Variants in HOMER1 observed in about 807,000 individuals in gnomAD.
HOMER1 encodes homer protein homolog 1.
HOMER1 carries 3 observed loss-of-function variants against 48.9 expected under a neutral mutation model. The ratio of observed to expected loss-of-function variants is 0.06; its 90% confidence interval spans 0.03 to 0.16. The LOEUF is 0.16. Ranked by LOEUF, HOMER1 falls within the 10% of genes least tolerant of loss-of-function variation. HOMER1 has a pLI of 1.00. For synonymous variants in HOMER1, 134 were observed against 146.4 expected (o/e 0.92, Z 0.61); for missense variants, 247 against 411.4 (o/e 0.60, Z 3.46).
chr5:79,485,961 G>T (rs1434815483), intron 1 of HOMER1, among the ~76,000 whole-genome samples: 1 of 152,146 alleles, frequency 6.6e-6, no homozygotes, highest in Non-Finnish European at 1.5e-5. Context: ...TGAGGCAAAA[G>T]TAACACTGTG....
chr5:79,430,210 G>A (rs912901628), intron 5 of HOMER1, among the ~76,000 whole-genome samples: 1 of 152,078 alleles, frequency 6.6e-6, no homozygotes, highest in South Asian at 2.1e-4. Context: ...AATGAGCAAA[G>A]GATCTGAACA....
At chr5:79,381,849 C>A (rs143591629) in intron 8 of HOMER1, among the ~76,000 whole-genome samples, 3 of 151,156 alleles carry the variant, frequency 2.0e-5, no homozygotes, top group East Asian at 3.9e-4. Context: ...CATGCCACTG[C>A]GCTCCAGCCT....
intron 1 of HOMER1, among the ~76,000 whole-genome samples, chr5:79,492,812 A>G (rs115206188): frequency 0.012 from 1,760 of 152,028 alleles, 25 homozygotes; most frequent in African/African-American, 0.04. Flanking sequence ...AAAAAGTGAT[A>G]CGTATATTAA....
chr5:79,451,645 A>G (rs973820238), intron 2 of HOMER1, among the ~76,000 whole-genome samples: 2 of 140,242 alleles, frequency 1.4e-5, no homozygotes, highest in African/African-American at 5.4e-5. Context: ...GGCTAACTGC[A>G]AGCTCCAACT....
In HOMER1 at chr5:79,435,547, T is replaced by C. The variant is rs192556309; in HGVS notation, c.527+3463A>G. Among the ~76,000 whole-genome samples the C allele has an allele frequency of 1.2e-3, 187 of 152,340 alleles. 1 individual carries two copies. Among genetic ancestry groups the C allele is most frequent in the Admixed American group, 3.0e-3 (46 of 15,304 alleles). On this transcript the variant is annotated intron_variant, in intron 5 of 8. Transcript: ENST00000334082. ...CACATATTGGAGAAGGAAGGCAATA[T>C]AGTCTAAATAAGCATTAAAAACTTA... is the stretch of plus-strand genomic sequence containing the variant.
chr5:79,396,504 C>T (rs1417147290), intron 8 of HOMER1, among the ~76,000 whole-genome samples: 1 of 151,946 alleles, frequency 6.6e-6, no homozygotes, highest in East Asian at 1.9e-4. Flanking sequence ...TCCTCAGCAT[C>T]CCAAAGTGCT....
intron 8 of HOMER1, among the ~76,000 whole-genome samples, chr5:79,378,377 G>C (rs1748834763): frequency 6.6e-6 from 1 of 152,114 alleles, no homozygotes; most frequent in Non-Finnish European, 1.5e-5. Flanking sequence ...CAGCTATAAT[G>C]ATTTTTAAAG....
intron 1 of HOMER1, among the ~76,000 whole-genome samples, chr5:79,457,700 T>G (rs189859594): frequency 6.6e-6 from 1 of 152,214 alleles, no homozygotes; most frequent in Admixed American, 6.5e-5. Flanking sequence ...AACATAGTTA[T>G]GTATTGATTA....
chr5:79,470,599 A>T (rs1751589644), intron 1 of HOMER1, among the ~76,000 whole-genome samples: 1 of 152,206 alleles, frequency 6.6e-6, no homozygotes, highest in African/African-American at 2.4e-5. Flanking sequence ...CCTAGTGGAC[A>T]TCAAAGAACT....
intron 8 of HOMER1, among the ~76,000 whole-genome samples, chr5:79,377,090 C>T (rs758904368): frequency 2.8e-4 from 43 of 152,214 alleles, no homozygotes; most frequent in Non-Finnish European, 4.9e-4. Flanking sequence ...CTCAGCCTCC[C>T]AAGTAGCTGG....
chr5:79,495,151 C>A (rs924965723), intron 1 of HOMER1, among the ~76,000 whole-genome samples: 7 of 152,106 alleles, frequency 4.6e-5, no homozygotes, highest in Non-Finnish European at 1.0e-4. Flanking sequence ...GATATGGGTA[C>A]TGCATCAAAA....
At chr5:79,394,819 C>T (rs1749339681) in intron 8 of HOMER1, among the ~76,000 whole-genome samples, 2 of 152,202 alleles carry the variant, frequency 1.3e-5, no homozygotes, top group South Asian at 4.1e-4. Context: ...ATCTTCCTGC[C>T]TCAACCTCCC....
chr5:79,416,521 C>T (rs1162403933), intron 5 of HOMER1, among the ~76,000 whole-genome samples: 1 of 152,176 alleles, frequency 6.6e-6, no homozygotes, highest in East Asian at 1.9e-4. Flanking sequence ...TAAGAGGGCC[C>T]GAGAAATGTC....
intron 5 of HOMER1, among the ~76,000 whole-genome samples, chr5:79,406,694 A>T (rs1198405051): frequency 6.6e-6 from 1 of 152,226 alleles, no homozygotes; most frequent in Non-Finnish European, 1.5e-5. Context: ...TCAGGTGAAG[A>T]CCTGTTATGG....
intron 8 of HOMER1, among the ~76,000 whole-genome samples, chr5:79,392,957 G>GAGAGAGAGAA (rs1749291347): frequency 6.9e-5 from 1 of 14,442 alleles, no homozygotes; most frequent in South Asian, 1.5e-3. Context: ...GGGAAAGGGA[G>GAGAGAGAGAA]AGAGAGAGAG....
At chr5:79,376,280 C>T (rs1053834253) in intron 8 of HOMER1, 83 bp from the exon 9 acceptor site, 42 of 984,174 alleles carry the variant, frequency 4.3e-5, no homozygotes, top group South Asian at 1.7e-4. Context: ...ACCAATATTG[C>T]GGTAATCAAT....
At chr5:79,451,985 C>T (rs1477056739) in intron 2 of HOMER1, among the ~76,000 whole-genome samples, 1 of 152,092 alleles carries the variant, frequency 6.6e-6, no homozygotes, top group African/African-American at 2.4e-5. Context: ...AAAAAACAAA[C>T]CTCTAAATAT....
chr5:79,456,346 C>T (rs1357902144), intron 2 of HOMER1, among the ~76,000 whole-genome samples: 1 of 152,056 alleles, frequency 6.6e-6, no homozygotes, highest in African/African-American at 2.4e-5. Context: ...AGATCTGAAC[C>T]CAGGCAGTCC....
intron 1 of HOMER1, among the ~76,000 whole-genome samples, chr5:79,483,883 C>T (rs1752019102): frequency 1.3e-5 from 2 of 151,174 alleles, no homozygotes; most frequent in Non-Finnish European, 3.0e-5. Context: ...GGTAAAACCC[C>T]GTCTCTACTA....
Sources: gnomAD v4.1 joint callset for allele counts (sites outside exome capture counted in the v4.1 genomes callset) on GRCh38, gnomAD v4.1.1 for gene constraint, MANE v1.5 for transcripts, NCBI Gene and HGNC (gene_info 2026-07-23, HGNC 2026-07-21) for gene names.